The following DNAH11 variants were observed in gnomAD, a reference collection of about 807,000 sequenced individuals.
DNAH11 encodes the protein dynein axonemal heavy chain 11.
In DNAH11, 442 loss-of-function variants were observed where a neutral mutation model predicts 526.0. The observed-to-expected ratio is 0.84, with a 90% confidence interval of 0.78 to 0.91. The LOEUF (loss-of-function observed/expected upper bound fraction) is 0.91. Ranked by LOEUF, DNAH11 falls within the 40% of genes least tolerant of loss-of-function variation. DNAH11 has a pLI of 0.00. For synonymous variants in DNAH11, 2,461 were observed against 1,935.9 expected (o/e 1.27, Z -7.12); for missense variants, 6,989 against 5,448.7 (o/e 1.28, Z -8.90).
intron 28 of DNAH11, among the ~76,000 whole-genome samples, chr7:21,643,966 A>C (rs1186715680): frequency 1.3e-5 from 2 of 152,202 alleles, no homozygotes; most frequent in African/African-American, 2.4e-5. Flanking sequence ...AATTGAAGCC[A>C]CAATGCATTC....
At chr7:21,651,397 C>T (rs780372011) in intron 28 of DNAH11, among the ~76,000 whole-genome samples, 10 of 151,972 alleles carry the variant, frequency 6.6e-5, no homozygotes, top group Admixed American at 2.0e-4. Flanking sequence ...GAGTCTCGCT[C>T]TGTCACCCAG....
At chr7:21,611,765 A>G (rs886214517) in intron 20 of DNAH11, among the ~76,000 whole-genome samples, 5 of 152,222 alleles carry the variant, frequency 3.3e-5, no homozygotes, top group African/African-American at 7.2e-5. Flanking sequence ...ATGTCTTTCA[A>G]TTCTACTGGG....
At chr7:21,601,340 C>T in intron 17 of DNAH11, 56 bp from the exon 18 acceptor site, 3 of 1,527,222 alleles carry the variant, frequency 2.0e-6, no homozygotes, top group Middle Eastern at 2.3e-4. Flanking sequence ...TCTTATACTG[C>T]TAAATGTTTT....
At position 21,901,309 on chromosome 7, in the gene DNAH11, ATGTTGCTGCAC is replaced by A; in HGVS notation, c.*60_*70del. On this transcript the variant is annotated 3_prime_UTR_variant, in exon 82 of 82. Coordinates refer to ENST00000409508, the MANE Select transcript of DNAH11 (RefSeq NM_001277115.2). ...TGGAGTGCAGTGAGGATTTTCTAGC[ATGTTGCTGCAC>A]TGTTCCCATGCACATTATTCTAACT... is the stretch of plus-strand genomic sequence containing the variant. 6.7e-7 allele frequency: 1 copy of A among 1,500,800 alleles called. No individual in the cohort carries two copies. The highest frequency in any genetic ancestry group is 1.9e-4 in the Middle Eastern group (1 of 5,404). 93.0% of individuals were successfully genotyped at this position (1,500,800 alleles called of 1,614,324 possible).
At chr7:21,647,634 T>G (rs1347486708) in intron 28 of DNAH11, among the ~76,000 whole-genome samples, 3 of 151,890 alleles carry the variant, frequency 2.0e-5, no homozygotes, top group African/African-American at 7.3e-5. Context: ...GGTTTCACCT[T>G]GTTAGCCAGG....
intron 29 of DNAH11, 23 bp from the exon 30 acceptor site, chr7:21,658,775 A>C: frequency 1.3e-6 from 2 of 1,539,728 alleles, no homozygotes; most frequent in Non-Finnish European, 1.8e-6. Flanking sequence ...CCTGTGTTAT[A>C]ACATTTCAAC....
intron 52 of DNAH11, among the ~76,000 whole-genome samples, chr7:21,749,185 G>A (rs541919166): frequency 5.3e-5 from 8 of 152,168 alleles, no homozygotes; most frequent in African/African-American, 1.7e-4. Context: ...GGAAACTCTC[G>A]TGTGTTTTTC....
intron 44 of DNAH11, among the ~76,000 whole-genome samples, chr7:21,722,709 G>A (rs753513875): frequency 6.6e-5 from 10 of 152,164 alleles, no homozygotes; most frequent in Non-Finnish European, 1.3e-4. Flanking sequence ...AAGTGTTCGT[G>A]TCAGGGACTT....
At chr7:21,730,698 C>A (rs2906677) in intron 45 of DNAH11, among the ~76,000 whole-genome samples, 1 of 151,792 alleles carries the variant, frequency 6.6e-6, no homozygotes, top group South Asian at 2.1e-4. Flanking sequence ...AGTTAGGAGA[C>A]TGGGGAGATG....
chr7:21,825,542 T>G (rs1790247986), intron 65 of DNAH11, among the ~76,000 whole-genome samples: 2 of 152,210 alleles, frequency 1.3e-5, no homozygotes, highest in Non-Finnish European at 1.5e-5. Flanking sequence ...CTTCTGCTGT[T>G]TTTTATAATC....
At chr7:21,818,574 G>T (rs1184201344) in intron 65 of DNAH11, among the ~76,000 whole-genome samples, 1 of 152,120 alleles carries the variant, frequency 6.6e-6, no homozygotes, top group East Asian at 1.9e-4. Flanking sequence ...GCCAAAAAAT[G>T]TATTGTTATA....
In DNAH11 at chr7:21,880,787, G is replaced by A; in HGVS notation, c.12281G>A (p.Arg4094Lys). ...LCYFHACVAGRLRFGPQGWSR... is the reference protein window; with the variant it reads ...LCYFHACVAGKLRFGPQGWSR... ...TACTTCCACGCCTGTGTTGCTGGGA[G>A]ACTGAGGTTTGGCCCCCAGGGCTGG... The change falls in exon 75 of 82, where the codon AGA (arginine) becomes AAA (lysine). Residue 4094 changes from arginine (R) to lysine (K), a missense_variant. Arg to Lys is a conservative substitution (Grantham distance 26, BLOSUM62 2). Coordinates refer to ENST00000409508, the MANE Select transcript of DNAH11 (RefSeq NM_001277115.2). The A allele has an allele frequency of 6.2e-7, 1 of 1,613,988 alleles. No homozygotes were observed. Among genetic ancestry groups the A allele is most frequent in the Non-Finnish European group, 8.5e-7 (1 of 1,179,902 alleles).
At chr7:21,817,568 C>G (rs1789855095) in intron 64 of DNAH11, among the ~76,000 whole-genome samples, 1 of 149,396 alleles carries the variant, frequency 6.7e-6, no homozygotes, top group Admixed American at 6.7e-5. Flanking sequence ...TAGTGCCTAC[C>G]TGTAGTCCCA....
At chr7:21,665,105 C>T (rs1011469363) in intron 30 of DNAH11, among the ~76,000 whole-genome samples, 1 of 152,008 alleles carries the variant, frequency 6.6e-6, no homozygotes, top group African/African-American at 2.4e-5. Context: ...CTCTCACTCT[C>T]TCTTCCCCTT....
intron 74 of DNAH11, among the ~76,000 whole-genome samples, chr7:21,880,021 G>C (rs577539119): frequency 6.6e-6 from 1 of 150,420 alleles, no homozygotes; most frequent in East Asian, 2.0e-4. Context: ...GGAGGCAGAG[G>C]TTGCAATGAG....
chr7:21,611,730 A>T (rs934183210), intron 20 of DNAH11, among the ~76,000 whole-genome samples: 3 of 152,260 alleles, frequency 2.0e-5, no homozygotes, highest in African/African-American at 7.2e-5. Flanking sequence ...CATTAGCAAC[A>T]ATCGGAGCCA....
chr7:21,880,447 G>A (rs1352092100), intron 74 of DNAH11, among the ~76,000 whole-genome samples: 1 of 152,218 alleles, frequency 6.6e-6, no homozygotes, highest in East Asian at 1.9e-4. Context: ...AAAATGAACT[G>A]TCTCATTTTC....
At chr7:21,575,893 A>C (rs1188391468) in intron 8 of DNAH11, among the ~76,000 whole-genome samples, 9 of 152,250 alleles carry the variant, frequency 5.9e-5, no homozygotes, top group Non-Finnish European at 1.5e-5. Flanking sequence ...ATCTTAAAAC[A>C]ACTGCGCATT....
chr7:21,690,351 AAACTT>A, intron 34 of DNAH11, among the ~76,000 whole-genome samples: 1 of 152,076 alleles, frequency 6.6e-6, no homozygotes, highest in East Asian at 1.9e-4. Flanking sequence ...GAAATAGACA[AAACTT>A]AAGACTGAGC....
Sources: allele counts gnomAD v4.1 joint callset (sites outside exome capture counted in the v4.1 genomes callset), GRCh38; gene constraint gnomAD v4.1.1; transcripts MANE v1.5; gene names NCBI Gene and HGNC (gene_info 2026-07-23, HGNC 2026-07-21).